TLCD4: variants seen among roughly 807,000 people sequenced by gnomAD.
TLCD4 encodes TLC domain-containing protein 4.
A neutral mutation model predicts 24.2 loss-of-function variants in TLCD4; 7 were observed. The ratio of observed to expected loss-of-function variants is 0.29; its 90% CI spans 0.16 to 0.54. The LOEUF is 0.54. Ranked by LOEUF, TLCD4 falls within the 20% of genes least tolerant of loss-of-function variation. The pLI is 0.95. For synonymous variants in TLCD4, 103 were observed against 106.4 expected (o/e 0.97, Z 0.20); for missense variants, 259 against 313.9 (o/e 0.82, Z 1.32).
At chr1:95,162,736 G>T (rs1490178849) in intron 5 of TLCD4, among the ~76,000 whole-genome samples, 2 of 152,264 alleles carry the variant, frequency 1.3e-5, no homozygotes, top group Admixed American at 6.5e-5. Flanking sequence ...GTCTGTAAAG[G>T]ATTTTATTTC....
chr1:95,191,505 C>T, intron 6 of TLCD4, 45 bp from the exon 7 acceptor site: 1 of 1,552,088 alleles, frequency 6.4e-7, no homozygotes, highest in Non-Finnish European at 8.7e-7. Context: ...GGTTAATCCT[C>T]AGAGATGCAC....
intron 1 of TLCD4, among the ~76,000 whole-genome samples, chr1:95,119,001 A>G (rs1676504696): frequency 6.6e-6 from 1 of 151,842 alleles, no homozygotes; most frequent in Non-Finnish European, 1.5e-5. Flanking sequence ...TTGAATCTTT[A>G]CTGTCCTCAT....
At chr1:95,148,924 C>A in intron 3 of TLCD4, 133 bp downstream of exon 3, 1 of 1,220,946 alleles carries the variant, frequency 8.2e-7, no homozygotes. Context: ...TGTGCTCAGA[C>A]ATTCTAGCAA....
the TLCD4 span, among the ~76,000 whole-genome samples, chr1:95,105,186 A>T: frequency 6.6e-5 from 10 of 152,324 alleles, no homozygotes; most frequent in East Asian, 1.7e-3. Flanking sequence ...GATCAACTTG[A>T]CAATGCAATG....
chr1:95,132,277 A>G (rs1431061715), intron 1 of TLCD4, among the ~76,000 whole-genome samples: 2 of 152,142 alleles, frequency 1.3e-5, no homozygotes, highest in African/African-American at 4.8e-5. Context: ...CAACATAGTG[A>G]AACCCTGTTT....
At chr1:95,131,764 G>A (rs1676897180) in intron 1 of TLCD4, among the ~76,000 whole-genome samples, 1 of 152,214 alleles carries the variant, frequency 6.6e-6, no homozygotes, top group African/African-American at 2.4e-5. Flanking sequence ...GTTTCTGGCT[G>A]TCAGATCTGA....
At chr1:95,108,038 T>C in the TLCD4 span, among the ~76,000 whole-genome samples, 1 of 152,114 alleles carries the variant, frequency 6.6e-6, no homozygotes, top group Admixed American at 6.5e-5. Flanking sequence ...TGAAGACCAT[T>C]TATAATGTGT....
At chr1:95,140,957 A>G (rs1413668060) in intron 1 of TLCD4, among the ~76,000 whole-genome samples, 1 of 152,174 alleles carries the variant, frequency 6.6e-6, no homozygotes, top group Non-Finnish European at 1.5e-5. Context: ...AGATCTCTAG[A>G]TTAGTTCTTG....
chr1:95,185,022 C>CT (rs201840008), intron 6 of TLCD4, among the ~76,000 whole-genome samples: 34 of 143,646 alleles, frequency 2.4e-4, no homozygotes, highest in South Asian at 4.4e-4. Flanking sequence ...TGACCAATTT[C>CT]TTTTTTTTTT....
chr1:95,158,913 G>A (rs1398603558), intron 5 of TLCD4, among the ~76,000 whole-genome samples: 2 of 152,152 alleles, frequency 1.3e-5, no homozygotes, highest in Admixed American at 6.5e-5. Context: ...ATCATTGACG[G>A]ACATTTGGGT....
chr1:95,114,493 A>G (rs1020364638), upstream of TLCD4, among the ~76,000 whole-genome samples: 1 of 152,188 alleles, frequency 6.6e-6, no homozygotes, highest in African/African-American at 2.4e-5. Flanking sequence ...TCTATTCAGA[A>G]GATTAAGAAT....
the TLCD4 span, among the ~76,000 whole-genome samples, chr1:95,101,911 A>G: frequency 1.3e-5 from 2 of 152,216 alleles, no homozygotes; most frequent in Non-Finnish European, 2.9e-5. Context: ...ATGGAGAATG[A>G]CTAGTAGTTG....
At chr1:95,174,686 T>C (rs1167885770) in intron 6 of TLCD4, among the ~76,000 whole-genome samples, 1 of 152,032 alleles carries the variant, frequency 6.6e-6, no homozygotes, top group South Asian at 2.1e-4. Context: ...CTGTAAAAAA[T>C]TTATTTTTTT....
intron 2 of TLCD4, among the ~76,000 whole-genome samples, chr1:95,146,287 T>C (rs1157241330): frequency 6.6e-6 from 1 of 152,172 alleles, no homozygotes; most frequent in Non-Finnish European, 1.5e-5. Flanking sequence ...TTACAGGTGC[T>C]ACATCTTATA....
chr1:95,143,922 G>A lies in TLCD4; in HGVS notation c.21G>A (p.Leu7=). Residue 7 remains leucine, a synonymous_variant, in exon 2 of 7, where the codon CTG becomes CTA. Coordinates refer to ENST00000370203, the MANE Select transcript of TLCD4 (RefSeq NM_152487.3). ...GAAATATGGAGATCAACACAAAACT[G>A]CTCATCAGTGTTACCTGTATCAGCT... MEINTK[L]LISVTCISFF... 2 of 1,497,240 alleles carry A rather than the reference G, an allele frequency of 1.3e-6. No individual in the cohort carries two copies. The highest frequency in any genetic ancestry group is 2.5e-5 in the East Asian group (1 of 39,518). The allele number at this position is 1,497,240 out of a possible 1,614,324, so 92.7% of individuals were successfully genotyped here. A position where few individuals can be genotyped will look rare whatever the true frequency, so the allele number is the denominator to read the frequency against.
intron 1 of TLCD4, among the ~76,000 whole-genome samples, chr1:95,118,243 A>G (rs1676483419): frequency 6.6e-6 from 1 of 152,100 alleles, no homozygotes. Flanking sequence ...ATTGGTTTCT[A>G]TTTCCATCTT....
Position 95,191,867 on chromosome 1 carries a change from A to C in TLCD4, c.791A>C (p.Ter264SerextTer30). The change falls in exon 7 of 7, where the codon TAA (stop) becomes TCA (serine). Residue 264 changes from the stop codon to serine (S), a stop_lost. Coordinates refer to ENST00000370203, the MANE Select transcript of TLCD4 (RefSeq NM_152487.3). Reference sequence around the variant, plus strand: ...AGTCTTCAGAATGGAAAACTTGATTAAAAGAGTGCTACCGATAAGCAAACT... The same window carrying C: ...AGTCTTCAGAATGGAAAACTTGATTCAAAGAGTGCTACCGATAAGCAAACT... ...KNSLQNGKLD[*>S] 6.2e-7 allele frequency: 1 copy of C among 1,611,854 alleles called. No individual in the cohort carries two copies.
chr1:95,123,431 T>G (rs939990687), intron 1 of TLCD4, among the ~76,000 whole-genome samples: 1 of 152,198 alleles, frequency 6.6e-6, no homozygotes, highest in Non-Finnish European at 1.5e-5. Context: ...CTTTAAGACA[T>G]ATTTAGCATT....
intron 1 of TLCD4, among the ~76,000 whole-genome samples, chr1:95,131,888 T>TG (rs893880626): frequency 6.6e-6 from 1 of 152,190 alleles, no homozygotes; most frequent in African/African-American, 2.4e-5. Context: ...GTTAGAATCC[T>TG]GGGGGCAGAT....
Sources: gnomAD v4.1 joint callset for allele counts (sites outside exome capture counted in the v4.1 genomes callset) on GRCh38, gnomAD v4.1.1 for gene constraint, MANE v1.5 for transcripts, NCBI Gene and HGNC (gene_info 2026-07-23, HGNC 2026-07-21) for gene names.